Variants in LRRC7 observed in about 807,000 individuals in gnomAD.
LRRC7 encodes the protein leucine rich repeat containing 7.
A neutral mutation model predicts 175.7 loss-of-function variants in LRRC7; 23 were observed. The observed-to-expected ratio is 0.13, with a 90% CI of 0.09 to 0.19. The LOEUF is 0.19. Among genes scored for constraint, LRRC7 ranks in the 10% least tolerant of loss-of-function variants. The pLI is 1.00. For synonymous variants in LRRC7, 685 were observed against 680.9 expected (o/e 1.01, Z -0.09); for missense variants, 1,354 against 1,904.7 (o/e 0.71, Z 5.38).
intron 10 of LRRC7, among the ~76,000 whole-genome samples, chr1:69,990,220 T>C (rs926127985): frequency 1.3e-5 from 2 of 152,098 alleles, no homozygotes; most frequent in African/African-American, 4.8e-5. Context: ...TTTAATTAAG[T>C]AATTTAGTTT....
intron 2 of LRRC7, among the ~76,000 whole-genome samples, chr1:69,743,961 C>T (rs1668989272): frequency 6.6e-6 from 1 of 151,640 alleles, no homozygotes; most frequent in Non-Finnish European, 1.5e-5. Context: ...GAAAATTTCT[C>T]TAAAATGCTA....
chr1:69,746,599 A>G (rs150107879), intron 2 of LRRC7, among the ~76,000 whole-genome samples: 83 of 152,178 alleles, frequency 5.5e-4, no homozygotes, highest in African/African-American at 1.8e-3. Flanking sequence ...TCTGTACAAA[A>G]CAGAATTTTA....
rs564078478 is a variant in LRRC7 at position 69,977,791 on chromosome 1, C to T, written c.712-2588C>T. 2.1e-4 allele frequency among the ~76,000 whole-genome samples: 32 copies of T among 152,240 alleles called. No homozygotes were observed. In the South Asian group the frequency reaches 6.2e-3, roughly 30 times the overall value. The stretch of plus-strand genomic sequence containing the variant: ...GTATCACAAGATAATGGGGCAGAAA[C>T]GCATGCTGGACATACAGTAGTAGGA... On this transcript the variant is annotated intron_variant, in intron 8 of 26. Transcript: ENST00000651989.
rs370020555 is a variant in LRRC7 at position 70,021,118 on chromosome 1, G to A, written c.1534G>A (p.Gly512Arg). The change falls in exon 16 of 27, where the codon GGG (glycine) becomes AGG (arginine). Residue 512 changes from glycine (G) to arginine (R), a missense_variant. Physicochemically the swap from Gly to Arg is moderately radical, Grantham distance 125 (BLOSUM62 -2). Transcript: ENST00000651989. ...CAAAAAAGAAGATGACGAAAATGCT[G>A]GGAAAGTTAAGGTGAACCTTTTAGC... ...EDKKEDDENA[G>R]KVKDLSCQAP... The A allele has an allele frequency of 3.7e-6, 6 of 1,611,372 alleles. No homozygotes were observed. In the African/African-American group the frequency reaches 5.3e-5, roughly 14 times the overall value.
intron 1 of LRRC7, among the ~76,000 whole-genome samples, chr1:69,585,777 G>A (rs1332622683): frequency 3.3e-5 from 5 of 152,094 alleles, no homozygotes; most frequent in South Asian, 2.1e-4. Context: ...TGAAGGCCAC[G>A]GACCCTGTCA....
rs766911800 is a variant in LRRC7 at position 70,044,061 on chromosome 1, T to C, written c.4077T>C (p.Ser1359=). Residue 1359 remains serine (S), a synonymous_variant, in exon 22 of 27, where the codon TCT becomes TCC. Transcript: ENST00000651989. The stretch of plus-strand genomic sequence containing the variant: ...TGACTTTAAACTTGCAGACTAAGTC[T>C]AAATTTGATCATCAAGAACTACCTC... ...RSMTLNLQTK[S]KFDHQELPLQ... 1.2e-6 allele frequency: 2 copies of C among 1,613,248 alleles called. No homozygotes were observed. Among genetic ancestry groups the C allele is most frequent in the Non-Finnish European group, 1.7e-6 (2 of 1,179,604 alleles).
chr1:70,014,882 T>C (rs1244217260), intron 13 of LRRC7, among the ~76,000 whole-genome samples: 2 of 152,060 alleles, frequency 1.3e-5, no homozygotes, highest in Non-Finnish European at 2.9e-5. Context: ...TATCTTGCCC[T>C]TTTCTAGCAG....
At chr1:69,654,624 A>G (rs1297333892) in intron 1 of LRRC7, among the ~76,000 whole-genome samples, 1 of 152,074 alleles carries the variant, frequency 6.6e-6, no homozygotes, top group Non-Finnish European at 1.5e-5. Context: ...TATTACTCTA[A>G]ATTTAGGAAA....
At chr1:69,659,535 C>A (rs1426122316) in intron 1 of LRRC7, among the ~76,000 whole-genome samples, 6 of 150,784 alleles carry the variant, frequency 4.0e-5, no homozygotes, top group African/African-American at 1.2e-4. Context: ...AAAAGATTAC[C>A]TTTCAAGGAA....
intron 2 of LRRC7, among the ~76,000 whole-genome samples, chr1:69,754,354 G>A (rs144506731): frequency 6.6e-6 from 1 of 152,044 alleles, no homozygotes; most frequent in Non-Finnish European, 1.5e-5. Context: ...AGAAAAACAG[G>A]CTTGTTCAGG....
intron 8 of LRRC7, among the ~76,000 whole-genome samples, chr1:69,964,957 A>G (rs1651513865): frequency 6.6e-6 from 1 of 152,240 alleles, no homozygotes; most frequent in African/African-American, 2.4e-5. Context: ...ACAAAATATT[A>G]TAGCTCATAT....
intron 1 of LRRC7, among the ~76,000 whole-genome samples, chr1:69,624,122 T>C (rs1228523822): frequency 1.3e-5 from 2 of 152,164 alleles, no homozygotes; most frequent in Admixed American, 1.3e-4. Context: ...CCCAAACTTA[T>C]TGTACTGTTT....
At chr1:69,960,142 T>C (rs1331199955) in intron 8 of LRRC7, among the ~76,000 whole-genome samples, 1 of 152,116 alleles carries the variant, frequency 6.6e-6, no homozygotes, top group African/African-American at 2.4e-5. Context: ...AGGCTATTTA[T>C]TACTGTCTCA....
intron 22 of LRRC7, among the ~76,000 whole-genome samples, chr1:70,044,570 T>C (rs1014682086): frequency 2.6e-5 from 4 of 152,158 alleles, no homozygotes; most frequent in Non-Finnish European, 4.4e-5. Flanking sequence ...CTGGTACTTA[T>C]AAGTGCTTCT....
chr1:69,998,816 A>C (rs1371275036), intron 11 of LRRC7, among the ~76,000 whole-genome samples: 3 of 152,184 alleles, frequency 2.0e-5, no homozygotes, highest in Non-Finnish European at 2.9e-5. Flanking sequence ...TTTGCTGGTA[A>C]TTTTTGGCCA....
At chr1:69,775,293 A>C (rs1672688059) in intron 3 of LRRC7, among the ~76,000 whole-genome samples, 1 of 152,232 alleles carries the variant, frequency 6.6e-6, no homozygotes, top group Non-Finnish European at 1.5e-5. Context: ...ACTTCTTTTA[A>C]TAGTTGTTAC....
chr1:69,942,239 C>T (rs1046692216), intron 8 of LRRC7, among the ~76,000 whole-genome samples: 2 of 152,054 alleles, frequency 1.3e-5, no homozygotes, highest in African/African-American at 2.4e-5. Flanking sequence ...CCACAAAACC[C>T]GTATGAAGGG....
intron 8 of LRRC7, among the ~76,000 whole-genome samples, chr1:69,946,829 G>A (rs569465066): frequency 1.6e-4 from 25 of 152,064 alleles, no homozygotes; most frequent in African/African-American, 5.8e-4. Flanking sequence ...TGTAATCTCA[G>A]CACTTTGGGA....
At chr1:69,617,210 T>C (rs948121062) in intron 1 of LRRC7, among the ~76,000 whole-genome samples, 3 of 152,086 alleles carry the variant, frequency 2.0e-5, no homozygotes, top group Admixed American at 6.6e-5. Context: ...GCAAATTATA[T>C]TGGAATATGA....
Sources: allele counts gnomAD v4.1 joint callset (sites outside exome capture counted in the v4.1 genomes callset), GRCh38; gene constraint gnomAD v4.1.1; transcripts MANE v1.5; gene names NCBI Gene and HGNC (gene_info 2026-07-23, HGNC 2026-07-21).